ZNF106: variants seen among roughly 807,000 people sequenced by gnomAD.
ZNF106 encodes the protein SH3-domain binding protein 3.
A neutral mutation model predicts 195.1 loss-of-function variants in ZNF106; 67 were observed. The observed-to-expected ratio is 0.34, with a 90% CI of 0.28 to 0.42. The LOEUF is 0.42. Among genes scored for constraint, ZNF106 ranks in the 10% least tolerant of loss-of-function variants. The pLI is 1.00. For missense variants in ZNF106, 2,118 were observed against 2,304.5 expected, an observed-to-expected ratio of 0.92 and a Z score of 1.66; for synonymous variants, 784 against 818.6, an observed-to-expected ratio of 0.96 and a Z score of 0.72.
chr15:42,469,587 C>A (rs988280180), intron 2 of ZNF106, among the ~76,000 whole-genome samples: 2 of 151,984 alleles, frequency 1.3e-5, no homozygotes, highest in East Asian at 1.9e-4. Flanking sequence ...CCTGTAATTA[C>A]GCCCAGTACT....
intron 4 of ZNF106, among the ~76,000 whole-genome samples, chr15:42,452,612 C>T (rs1365485091): frequency 6.6e-6 from 1 of 151,688 alleles, no homozygotes; most frequent in African/African-American, 2.4e-5. Flanking sequence ...TCCCTATCAT[C>T]CAATTATTAT....
At chr15:42,427,887 G>C (rs1595439077) in intron 15 of ZNF106, 131 bp downstream of exon 15, 5 of 678,028 alleles carry the variant, frequency 7.4e-6, no homozygotes, top group African/African-American at 5.3e-5. Flanking sequence ...AACTGTGTTT[G>C]AGTAGTGGCT....
chr15:42,468,423 T>C (rs535773040), intron 2 of ZNF106, among the ~76,000 whole-genome samples: 4 of 151,974 alleles, frequency 2.6e-5, no homozygotes, highest in Non-Finnish European at 4.4e-5. Flanking sequence ...TTACCATCGT[T>C]TCCTTCCTAG....
At chr15:42,435,237 G>C in intron 14 of ZNF106, 147 bp downstream of exon 14, 1 of 1,103,980 alleles carries the variant, frequency 9.1e-7, no homozygotes. Flanking sequence ...TATCTACCTA[G>C]GGCTACAACA....
At chr15:42,421,838 A>G (rs2054668251) in intron 19 of ZNF106, 79 bp downstream of exon 19, 1 of 1,163,246 alleles carries the variant, frequency 8.6e-7, no homozygotes, top group Non-Finnish European at 1.2e-6. Context: ...TCAGAAGCAG[A>G]TGTCACTTTT....
intron 15 of ZNF106, among the ~76,000 whole-genome samples, chr15:42,426,869 C>T (rs2054878301): frequency 6.6e-6 from 1 of 152,210 alleles, no homozygotes; most frequent in African/African-American, 2.4e-5. Flanking sequence ...AAAATCTTCA[C>T]TAATTGCCCT....
chr15:42,443,493 C>A (rs2055633283), intron 9 of ZNF106, among the ~76,000 whole-genome samples: 1 of 151,800 alleles, frequency 6.6e-6, no homozygotes, highest in Non-Finnish European at 1.5e-5. Context: ...ATTTTTATAA[C>A]TTTTTATAAT....
At chr15:42,421,265 A>T in intron 19 of ZNF106, 133 bp from the exon 20 acceptor site, 1 of 784,364 alleles carries the variant, frequency 1.3e-6, no homozygotes, top group Admixed American at 2.2e-5. Flanking sequence ...GCTCCAGAGC[A>T]GGAGAATGGG....
At chr15:42,453,200 G>A (rs2056110912) in intron 4 of ZNF106, among the ~76,000 whole-genome samples, 1 of 152,152 alleles carries the variant, frequency 6.6e-6, no homozygotes, top group Non-Finnish European at 1.5e-5. Flanking sequence ...TACAGTTCCA[G>A]TTTGTGAAGG....
chr15:42,470,571 A>C (rs936884662), intron 2 of ZNF106, among the ~76,000 whole-genome samples: 6 of 152,220 alleles, frequency 3.9e-5, no homozygotes, highest in Non-Finnish European at 7.3e-5. Context: ...GCAGGAGTAG[A>C]TAATTCCAGC....
chr15:42,442,634 T>G (rs2055596332), intron 9 of ZNF106, among the ~76,000 whole-genome samples: 2 of 149,830 alleles, frequency 1.3e-5, no homozygotes, highest in Admixed American at 6.7e-5. Context: ...TTTTTTTTTT[T>G]GAGATAGGGT....
At chr15:42,481,174 A>G (rs2056890963) in intron 1 of ZNF106, among the ~76,000 whole-genome samples, 1 of 152,032 alleles carries the variant, frequency 6.6e-6, no homozygotes, top group African/African-American at 2.4e-5. Flanking sequence ...AAGTTTTAAA[A>G]TATCTACCCA....
rs1156421087 is a variant in ZNF106, at chr15:42,451,856, C to G, written c.416G>C (p.Ser139Thr). 3.1e-6 allele frequency: 5 copies of G among 1,614,208 alleles called. No homozygotes were observed. The South Asian group carries it at 5.5e-5, about 18-fold the overall frequency. The change falls in exon 5 of 22, where the codon AGT becomes ACT. Residue 139 changes from serine to threonine, a missense_variant. By Grantham distance (58) the Ser-to-Thr change is moderately conservative (BLOSUM62 1). Transcript: ENST00000564754. ...ATGATGCCATGCAGGCTGACTGTAA[C>G]TCTCTCTGTCTTGGTAAGGAATTCG... ...EDRIPYQDRE[S>T]YSQPAWHHRG...
chr15:42,428,242 G>T, intron 14 of ZNF106, 108 bp from the exon 15 acceptor site: 1 of 799,828 alleles, frequency 1.3e-6, no homozygotes, highest in Non-Finnish European at 2.0e-6. Context: ...GCGGAAGAAA[G>T]TGTGACATCC....
In ZNF106 at chr15:42,450,479, C is replaced by T; in HGVS notation, c.1793G>A (p.Gly598Glu). ...CACTTGAAACTCAATTTTCAAAGAC[C>T]CTTTTTCAGATTCTTCTACATTTCT... ...ASRNVEESEKGSLKIEFQVHA... is the reference protein window; with the variant it reads ...ASRNVEESEKESLKIEFQVHA... The change falls in exon 5 of 22, where the codon GGG (glycine) becomes GAG (glutamate). Residue 598 changes from glycine (G) to glutamate (E), a missense_variant. Physicochemically the swap from Gly to Glu is moderately conservative, Grantham distance 98. Coordinates refer to ENST00000564754, the MANE Select transcript of ZNF106 (RefSeq NM_001366845.3). The T allele has an allele frequency of 6.2e-7, 1 of 1,614,034 alleles. No individual in the cohort carries two copies. Among genetic ancestry groups the T allele is most frequent in the Non-Finnish European group, 8.5e-7 (1 of 1,180,014 alleles).
At chr15:42,489,381 C>T (rs556268920) in intron 1 of ZNF106, among the ~76,000 whole-genome samples, 52 of 151,960 alleles carry the variant, frequency 3.4e-4, no homozygotes, top group Admixed American at 2.0e-3. Flanking sequence ...TTCTCCATGT[C>T]GGTCAGCCTG....
At chr15:42,428,473 TAA>T (rs1465863463) in intron 14 of ZNF106, among the ~76,000 whole-genome samples, 1 of 152,166 alleles carries the variant, frequency 6.6e-6, no homozygotes, top group African/African-American at 2.4e-5. Context: ...TTTTGACATC[TAA>T]AGAGGAAAAT....
chr15:42,429,163 C>A (rs1027765826), intron 14 of ZNF106, among the ~76,000 whole-genome samples: 2 of 151,318 alleles, frequency 1.3e-5, no homozygotes, highest in Admixed American at 6.6e-5. Context: ...TTGTTGAGGC[C>A]GGACACAGTG....
intron 1 of ZNF106, among the ~76,000 whole-genome samples, chr15:42,485,960 CTT>C (rs34242148): frequency 8.0e-5 from 11 of 137,396 alleles, no homozygotes; most frequent in Non-Finnish European, 6.3e-5. Flanking sequence ...ATTACTCTTT[CTT>C]TTTTTTTTTT....
Sources: gnomAD v4.1 joint callset for allele counts (sites outside exome capture counted in the v4.1 genomes callset) on GRCh38, gnomAD v4.1.1 for gene constraint, MANE v1.5 for transcripts, NCBI Gene and HGNC (gene_info 2026-07-23, HGNC 2026-07-21) for gene names.